LGI3: variants seen among roughly 807,000 people sequenced by gnomAD.
LGI3 encodes the protein leucine-rich repeat LGI family member 3.
A neutral mutation model predicts 55.4 loss-of-function variants in LGI3; 47 were observed. The ratio of observed to expected loss-of-function variants is 0.85; its 90% CI spans 0.67 to 1.08. The LOEUF is 1.08. Among genes scored for constraint, LGI3 ranks in the 50% least tolerant of loss-of-function variants. The pLI is 0.00. For missense variants in LGI3, 664 were observed against 726.3 expected (o/e 0.91, Z 0.99); for synonymous variants, 326 against 315.0 (o/e 1.04, Z -0.37).
Position 22,148,215 on chromosome 8 carries a change from C to G in LGI3, c.1592G>C (p.Ser531Thr), listed in dbSNP as rs760582687. The change falls in exon 8 of 8, where the codon AGC (serine) becomes ACC (threonine). Residue 531 changes from serine to threonine, a missense_variant. Ser to Thr is a moderately conservative substitution (Grantham distance 58). Coordinates refer to ENST00000306317, the MANE Select transcript of LGI3 (RefSeq NM_139278.4). This position sits in a 1 kb window ranked among gnomAD's most constrained non-coding sequence, Gnocchi z 7.0. The part of the protein sequence containing the change: ...AGDAQLLLAP[S>T]FKGQTLVYRH... ...ATACACCAGCGTCTGTCCCTTGAAG[C>G]TGGGGGCCAGGAGTAGCTGGGCGTC... is the stretch of plus-strand genomic sequence containing the variant. The G allele has an allele frequency of 2.0e-5, 33 of 1,613,596 alleles. No individual in the cohort carries two copies. The highest frequency in any genetic ancestry group is 3.3e-5 in the Admixed American group (2 of 59,930).
In LGI3 at chr8:22,154,211, A is replaced by G. The variant is rs1353749141; in HGVS notation, c.353T>C (p.Phe118Ser). Residue 118 changes from phenylalanine to serine, a missense_variant and splice_region_variant, in exon 4 of 8, where the codon TTC becomes TCC. Coordinates refer to ENST00000306317, the MANE Select transcript of LGI3 (RefSeq NM_139278.4). ...FTGLSHLQYL[F>S]IENNDIWALS... is the part of the protein sequence containing the mutation. ...TGCCCAGATGTCATTGTTCTCAATG[A>G]AGCTGGGGAAAGCGGGAACTTGCCT... is the stretch of plus-strand genomic sequence containing the variant. The G allele has an allele frequency of 6.2e-7, 1 of 1,613,790 alleles. No individual in the cohort carries two copies. The highest frequency in any genetic ancestry group is 8.5e-7 in the Non-Finnish European group (1 of 1,179,824).
chr8:22,154,664 A>C (rs936734959), intron 2 of LGI3, 33 bp from the exon 3 acceptor site: 1 of 1,533,138 alleles, frequency 6.5e-7, no homozygotes, highest in Non-Finnish European at 9.0e-7. Context: ...AGAGCTTCCA[A>C]GGGTGTGCCT....
At position 22,147,088 on chromosome 8, in the gene LGI3, C is replaced by T. The variant is rs1827311202; in HGVS notation, c.*1072G>A. 6.6e-6 allele frequency: 1 copy of T among 152,292 alleles called. No individual in the cohort carries two copies. Among genetic ancestry groups the T allele is most frequent in the African/African-American group, 2.4e-5 (1 of 41,456 alleles). The allele number at this position is 152,292 out of a possible 1,614,324, so 9.4% of individuals were successfully genotyped here. A position where few individuals can be genotyped will look rare whatever the true frequency, so the allele number is the denominator to read the frequency against. The stretch of plus-strand genomic sequence containing the variant: ...GGTGGGGCCAGGGCTGCAACACGCC[C>T]TCAGGCCAAGCTCCACTCTGGGCAC... On this transcript the variant is annotated 3_prime_UTR_variant, in exon 8 of 8. Coordinates refer to ENST00000306317, the MANE Select transcript of LGI3 (RefSeq NM_139278.4).
chr8:22,154,357 T>C lies in LGI3; in HGVS notation c.351-144A>G, dbSNP rs1586409988. The C allele has an allele frequency of 1.4e-5, 11 of 807,574 alleles. No homozygotes were observed. In the East Asian group the frequency reaches 2.5e-4, roughly 18 times the overall value. 50.0% of individuals were successfully genotyped at this position (807,574 alleles called of 1,614,324 possible). On this transcript the variant is annotated intron_variant, in intron 3 of 7. Coordinates refer to ENST00000306317, the MANE Select transcript of LGI3 (RefSeq NM_139278.4). ...GTCTGGCATCACCAAGCCATAGAGATAGAGCATCAGGTAGGGTAGAGGCAA... is the reference window on the plus strand; with the variant it reads ...GTCTGGCATCACCAAGCCATAGAGACAGAGCATCAGGTAGGGTAGAGGCAA...
intron 1 of LGI3, among the ~76,000 whole-genome samples, chr8:22,155,715 G>A (rs1285812173): frequency 1.3e-5 from 2 of 152,224 alleles, no homozygotes; most frequent in Admixed American, 1.3e-4. Flanking sequence ...GGCAAGAAAA[G>A]GTTCCATCAC....
Position 22,156,480 on chromosome 8 carries a change from G to A in LGI3, c.63C>T (p.Gly21=). The change falls in exon 1 of 8, where the codon GGC becomes GGT. Residue 21 remains glycine, a synonymous_variant. Transcript: ENST00000306317. ...CGCTGACTTGCAGCATGAGGCAGAA[G>A]CCGAGCGCGGAGAGCGCCAGCAGCC... ...GPGLLALSAL[G]FCLMLQVSAK... is the part of the protein sequence containing the mutation. The A allele has an allele frequency of 6.9e-7, 1 of 1,441,566 alleles. No individual in the cohort carries two copies. The highest frequency in any genetic ancestry group is 9.1e-7 in the Non-Finnish European group (1 of 1,098,972). The allele number at this position is 1,441,566 out of a possible 1,614,324, so 89.3% of individuals were successfully genotyped here. A position where few individuals can be genotyped will look rare whatever the true frequency, so the allele number is the denominator to read the frequency against.
chr8:22,148,869 G>C lies in LGI3; in HGVS notation c.938C>G (p.Thr313Arg), dbSNP rs559672591. The change falls in exon 8 of 8, where the codon ACG becomes AGG. Residue 313 changes from threonine (T) to arginine (R), a missense_variant. Physicochemically the swap from Thr to Arg is moderately conservative, Grantham distance 71 (BLOSUM62 -1). Transcript: ENST00000306317. The surrounding 1 kb of genome is among the most constrained non-coding windows in gnomAD (Gnocchi z 7.0). The stretch of plus-strand genomic sequence containing the variant: ...AATGTCTTGCAGCCTGGTGAAGCGC[G>C]TGGTGTTGGGATCCCAGTGGTAAAT... Reference protein sequence around the residue: ...SYIYHWDPNTTRFTRLQDIDP... With the variant: ...SYIYHWDPNTRRFTRLQDIDP... 4 of 1,614,164 alleles carry C rather than the reference G, an allele frequency of 2.5e-6. No homozygotes were observed. Among genetic ancestry groups the C allele is most frequent in the South Asian group, 1.1e-5 (1 of 91,084 alleles).
At position 22,148,826 on chromosome 8, in the gene LGI3, G is replaced by A. The variant is rs750237742; in HGVS notation, c.981C>T (p.Arg327=). 3 of 1,614,200 alleles carry A rather than the reference G, an allele frequency of 1.9e-6. No individual in the cohort carries two copies. Among genetic ancestry groups the A allele is most frequent in the South Asian group, 1.1e-5 (1 of 91,086 alleles). ...RLQDIDPQRV[R]KPNDLEAFRI... ...GGAAGGCTTCTAGGTCGTTAGGCTTGCGCACGCGCTGCGGGTCAATGTCTT... is the reference window on the plus strand; with the variant it reads ...GGAAGGCTTCTAGGTCGTTAGGCTTACGCACGCGCTGCGGGTCAATGTCTT... The change falls in exon 8 of 8, where the codon CGC becomes CGT. Residue 327 remains arginine, a synonymous_variant. Transcript: ENST00000306317. This position sits in a 1 kb window ranked among gnomAD's most constrained non-coding sequence, Gnocchi z 7.0.
chr8:22,154,365 C>T, intron 3 of LGI3, 152 bp from the exon 4 acceptor site: 1 of 791,630 alleles, frequency 1.3e-6, no homozygotes, highest in Non-Finnish European at 2.2e-6. Flanking sequence ...GATAGAGCAT[C>T]AGGTAGGGTA....
In LGI3 at chr8:22,156,728, C is replaced by T. The variant is rs1421019841; in HGVS notation, c.-186G>A. 3 of 211,902 alleles carry T rather than the reference C, an allele frequency of 1.4e-5. No homozygotes were observed. In the East Asian group the frequency reaches 3.6e-4, roughly 25 times the overall value. The allele number at this position is 211,902 out of a possible 1,614,324, so 13.1% of individuals were successfully genotyped here. On this transcript the variant is annotated 5_prime_UTR_variant, in exon 1 of 8. Coordinates refer to ENST00000306317, the MANE Select transcript of LGI3 (RefSeq NM_139278.4). ...CGGTCCCCTCCCCTGCTCGCTCCCGCGATCCGGCTCGGGAGAGAAGAGCGG... is the reference window on the plus strand; with the variant it reads ...CGGTCCCCTCCCCTGCTCGCTCCCGTGATCCGGCTCGGGAGAGAAGAGCGG...
chr8:22,154,561 G>C lies in LGI3; in HGVS notation c.349C>G (p.Leu117Val). ...ATTGCCCCTTTCCCTCCCACACACA[G>C]ATACTGCAGGTGCGACAGTCCTGTG... ...AFTGLSHLQY[L>V]FIENNDIWAL... Residue 117 changes from leucine (L) to valine (V), a missense_variant and splice_region_variant, in exon 3 of 8, where the codon CTC (leucine) becomes GTC (valine). By Grantham distance (32) the Leu-to-Val change is conservative. Transcript: ENST00000306317. The C allele has an allele frequency of 6.2e-7, 1 of 1,613,774 alleles. No individual in the cohort carries two copies. The highest frequency in any genetic ancestry group is 8.5e-7 in the Non-Finnish European group (1 of 1,179,740).
chr8:22,150,244 G>GTTTTGT (rs1041905450), intron 7 of LGI3, among the ~76,000 whole-genome samples: 5 of 151,218 alleles, frequency 3.3e-5, no homozygotes, highest in African/African-American at 9.7e-5. Context: ...AGGAGAAGGT[G>GTTTTGT]TTTTGTTTTT....
chr8:22,150,108 C>A (rs1827358107), intron 7 of LGI3, among the ~76,000 whole-genome samples: 1 of 152,198 alleles, frequency 6.6e-6, no homozygotes, highest in South Asian at 2.1e-4. Context: ...CTTCCCTGAT[C>A]AGTCCCCAAG....
In LGI3 at chr8:22,148,884, C is replaced by T; in HGVS notation, c.923G>A (p.Trp308Ter). The T allele has an allele frequency of 6.2e-7, 1 of 1,614,120 alleles. No individual in the cohort carries two copies. The highest frequency in any genetic ancestry group is 8.5e-7 in the Non-Finnish European group (1 of 1,180,008). ...QLFGGSYIYH[W>*]DPNTTRFTRL... is the part of the protein sequence containing the mutation. ...GGTGAAGCGCGTGGTGTTGGGATCC[C>T]AGTGGTAAATGTAAGAGCCGCCAAA... is the stretch of plus-strand genomic sequence containing the variant. The change falls in exon 8 of 8, where the codon TGG (tryptophan) becomes TAG (stop). Residue 308 changes from tryptophan (W) to a stop codon, truncating the protein, a stop_gained. Transcript: ENST00000306317. LOFTEE classifies it high-confidence loss of function. This position sits in a 1 kb window ranked among gnomAD's most constrained non-coding sequence, Gnocchi z 7.0.
intron 7 of LGI3, among the ~76,000 whole-genome samples, chr8:22,150,518 C>T (rs1024337864): frequency 3.3e-5 from 5 of 151,832 alleles, no homozygotes; most frequent in African/African-American, 1.2e-4. Context: ...GCCACCACGC[C>T]CAGCTAATTT....
At chr8:22,155,533 G>C in intron 1 of LGI3, 70 bp from the exon 2 acceptor site, 2 of 1,281,950 alleles carry the variant, frequency 1.6e-6, no homozygotes, top group South Asian at 1.2e-5. Context: ...AGGTGAACAC[G>C]GAGGGCAGTA....
At chr8:22,151,043 T>A (rs1018541908) in intron 7 of LGI3, among the ~76,000 whole-genome samples, 2 of 152,060 alleles carry the variant, frequency 1.3e-5, no homozygotes, top group African/African-American at 4.8e-5. Flanking sequence ...CCTAGCTAAG[T>A]CTCCTTCAGC....
chr8:22,151,958 C>T lies in LGI3; in HGVS notation c.537G>A (p.Lys179=), dbSNP rs1359079240. 3.1e-6 allele frequency: 5 copies of T among 1,612,006 alleles called. No individual in the cohort carries two copies. The highest frequency in any genetic ancestry group is 4.2e-6 in the Non-Finnish European group (5 of 1,178,750). ...TGTGTGCCAGCCACTCCACCAACCA[C>T]TTCACCTTGCAGTCACAGTTGAGTG... ...GNSLNCDCKV[K]WLVEWLAHTN... The change falls in exon 6 of 8, where the codon AAG becomes AAA. Residue 179 remains lysine, a synonymous_variant. Coordinates refer to ENST00000306317, the MANE Select transcript of LGI3 (RefSeq NM_139278.4).
At position 22,147,935 on chromosome 8, in the gene LGI3, C is replaced by T. The variant is rs537361789; in HGVS notation, c.*225G>A. 4.3e-5 allele frequency: 23 copies of T among 536,072 alleles called. No individual in the cohort carries two copies. Among genetic ancestry groups the T allele is most frequent in the African/African-American group, 1.9e-4 (10 of 52,742 alleles). The allele number at this position is 536,072 out of a possible 1,614,324, so 33.2% of individuals were successfully genotyped here. A position where few individuals can be genotyped will look rare whatever the true frequency, so the allele number is the denominator to read the frequency against. ...TGCAGTTGGGGTCACGGGAACTGGG[C>T]GTTAGGTGTCCCAGGGGTGCCTGGT... On this transcript the variant is annotated 3_prime_UTR_variant, in exon 8 of 8. Coordinates refer to ENST00000306317, the MANE Select transcript of LGI3 (RefSeq NM_139278.4).
Sources: gnomAD v4.1 joint callset for allele counts (sites outside exome capture counted in the v4.1 genomes callset) on GRCh38, gnomAD v4.1.1 for gene constraint, Gnocchi (gnomAD v3.1) non-coding constraint, MANE v1.5 for transcripts, NCBI Gene and HGNC (gene_info 2026-07-23, HGNC 2026-07-21) for gene names.